Variants in SCIN observed in about 807,000 individuals in gnomAD.
The protein encoded by SCIN is adseverin.
SCIN carries 91 observed loss-of-function variants against 91.8 expected under a neutral mutation model. That is an observed-to-expected ratio of 0.99 (90% CI 0.84 to 1.18). SCIN has a LOEUF of 1.18. Ranked by LOEUF, SCIN falls within the 50% of genes most tolerant of loss-of-function variation. SCIN has a pLI of 0.00. For missense variants in SCIN, 1,087 were observed against 863.9 expected, an observed-to-expected ratio of 1.26 and a Z score of -3.24; for synonymous variants, 367 against 312.6, an observed-to-expected ratio of 1.17 and a Z score of -1.84.
chr7:12,644,259 A>T lies in SCIN; in HGVS notation c.1703A>T (p.Tyr568Phe), dbSNP rs750117695. ...ASQEEEKGAE[Y>F]VASVLKCKTL... ...CAGGAGGAGGAGAAAGGAGCAGAGTATGTAGCAAGTGTCCTAAAGTGCAAA... is the reference window on the plus strand; with the variant it reads ...CAGGAGGAGGAGAAAGGAGCAGAGTTTGTAGCAAGTGTCCTAAAGTGCAAA... Residue 568 changes from tyrosine to phenylalanine, a missense_variant, in exon 12 of 16, where the codon TAT becomes TTT. Physicochemically the swap from Tyr to Phe is conservative, Grantham distance 22. Transcript: ENST00000297029. 7.5e-6 allele frequency: 12 copies of T among 1,603,502 alleles called. No individual in the cohort carries two copies. Among genetic ancestry groups the T allele is most frequent in the Non-Finnish European group, 9.4e-6 (11 of 1,174,592 alleles).
intron 9 of SCIN, among the ~76,000 whole-genome samples, chr7:12,635,542 G>A (rs1783731439): frequency 6.9e-6 from 1 of 145,774 alleles, no homozygotes; most frequent in African/African-American, 2.5e-5. Flanking sequence ...AAGCCGGGAG[G>A]TGGAGGTTGC....
chr7:12,648,983 A>C (rs567255679), intron 13 of SCIN, among the ~76,000 whole-genome samples: 1 of 152,210 alleles, frequency 6.6e-6, no homozygotes, highest in Non-Finnish European at 1.5e-5. Context: ...AGACCAGTGT[A>C]TACTGACAGT....
At chr7:12,581,356 T>A in intron 3 of SCIN, 135 bp downstream of exon 3, 4 of 785,232 alleles carry the variant, frequency 5.1e-6, no homozygotes, top group Non-Finnish European at 7.9e-6. Context: ...AGCTGAGTAA[T>A]TGCCAAGTAT....
At chr7:12,649,328 A>G (rs1192415140) in intron 13 of SCIN, 139 bp from the exon 14 acceptor site, 15 of 494,828 alleles carry the variant, frequency 3.0e-5, no homozygotes, top group Non-Finnish European at 4.6e-5. Flanking sequence ...TTAAATTTTT[A>G]TTACGTGAAA....
At chr7:12,580,943 G>A (rs1782474714) in intron 2 of SCIN, 117 bp from the exon 3 acceptor site, 2 of 1,027,448 alleles carry the variant, frequency 1.9e-6, no homozygotes, top group Admixed American at 2.8e-5. Context: ...AACTTGGCCT[G>A]ACAGGTACAG....
chr7:12,617,902 T>A (rs886100777), intron 4 of SCIN, among the ~76,000 whole-genome samples: 1 of 152,180 alleles, frequency 6.6e-6, no homozygotes, highest in East Asian at 1.9e-4. Context: ...GTTTAATAAG[T>A]TGGCATTCTG....
At chr7:12,603,565 T>A (rs1562609132) in intron 3 of SCIN, among the ~76,000 whole-genome samples, 1 of 152,292 alleles carries the variant, frequency 6.6e-6, no homozygotes, top group East Asian at 1.9e-4. Flanking sequence ...ATTCAACTTC[T>A]CTTTCTTTCT....
At chr7:12,620,670 A>T (rs1042642565) in intron 4 of SCIN, among the ~76,000 whole-genome samples, 1 of 152,134 alleles carries the variant, frequency 6.6e-6, no homozygotes, top group African/African-American at 2.4e-5. Context: ...GGAGATCCAA[A>T]TTGGAGGAGA....
At chr7:12,628,662 T>C (rs1783579841) in intron 8 of SCIN, among the ~76,000 whole-genome samples, 1 of 152,176 alleles carries the variant, frequency 6.6e-6, no homozygotes, top group African/African-American at 2.4e-5. Flanking sequence ...GGTCACAGTC[T>C]ATCAAGTTTT....
chr7:12,646,748 A>G (rs1783973853), intron 13 of SCIN, among the ~76,000 whole-genome samples: 1 of 152,202 alleles, frequency 6.6e-6, no homozygotes, highest in South Asian at 2.1e-4. Context: ...AATAAATGCA[A>G]ACTTCATTTT....
chr7:12,599,370 A>AGTGTGTGTGTGTGTGTGT (rs10659954), intron 3 of SCIN, among the ~76,000 whole-genome samples: 2 of 149,234 alleles, frequency 1.3e-5, no homozygotes, highest in Non-Finnish European at 3.0e-5. Context: ...TTTCATGGTG[A>AGTGTGTGTGTGTGTGTGT]GTGTGTGTGT....
chr7:12,631,337 T>A (rs1783637493), intron 9 of SCIN, among the ~76,000 whole-genome samples: 1 of 152,176 alleles, frequency 6.6e-6, no homozygotes, highest in South Asian at 2.1e-4. Flanking sequence ...AACAGGTGTT[T>A]TTAGTGCAAT....
At chr7:12,605,668 C>G (rs181259402) in intron 4 of SCIN, among the ~76,000 whole-genome samples, 18 of 152,256 alleles carry the variant, frequency 1.2e-4, no homozygotes, top group African/African-American at 4.1e-4. Context: ...TGTGGCATAA[C>G]ATCAGGACTC....
chr7:12,621,903 G>A (rs972194585), intron 4 of SCIN, among the ~76,000 whole-genome samples: 9 of 151,660 alleles, frequency 5.9e-5, no homozygotes, highest in Non-Finnish European at 1.5e-5. Flanking sequence ...GTAAGGAATA[G>A]CGAATATAAA....
chr7:12,581,272 G>A (rs184720356), intron 3 of SCIN, 51 bp downstream of exon 3: 55 of 1,512,488 alleles, frequency 3.6e-5, no homozygotes, highest in African/African-American at 5.5e-5. Context: ...AATTGCTTTC[G>A]GATCAAATCA....
chr7:12,639,185 A>T (rs555554033), intron 10 of SCIN, among the ~76,000 whole-genome samples: 104 of 152,284 alleles, frequency 6.8e-4, no homozygotes, highest in Admixed American at 4.6e-4. Context: ...ACAGTAAGGG[A>T]TGGGCCTTAA....
chr7:12,644,311 G>C lies in SCIN; in HGVS notation c.1755G>C (p.Glu585Asp). Residue 585 changes from glutamate (E) to aspartate (D), a missense_variant, in exon 12 of 16, where the codon GAG (glutamate) becomes GAC (aspartate). Physicochemically the swap from Glu to Asp is conservative, Grantham distance 45. Coordinates refer to ENST00000297029, the MANE Select transcript of SCIN (RefSeq NM_001112706.3). ...CKTLRIQEGE[E>D]PEEFWNSLGG... ...CCTTAAGGATCCAAGAAGGCGAGGA[G>C]CCAGGTGTGTGCTCTGGGGCCAAGG... The C allele has an allele frequency of 6.3e-7, 1 of 1,581,156 alleles. No homozygotes were observed. Among genetic ancestry groups the C allele is most frequent in the Non-Finnish European group, 8.6e-7 (1 of 1,162,896 alleles).
At chr7:12,600,558 G>C (rs578065265) in intron 3 of SCIN, among the ~76,000 whole-genome samples, 52 of 152,150 alleles carry the variant, frequency 3.4e-4, no homozygotes, top group African/African-American at 1.1e-3. Flanking sequence ...TGATTTATAG[G>C]GTCAATGTTT....
Position 12,640,481 on chromosome 7 carries a change from C to T in SCIN, c.1545C>T (p.Val515=), listed in dbSNP as rs762911973. 2.5e-6 allele frequency: 4 copies of T among 1,612,214 alleles called. No homozygotes were observed. Among genetic ancestry groups the T allele is most frequent in the Non-Finnish European group, 3.4e-6 (4 of 1,179,142 alleles). ...CTCCCCCTACACGCCTCTTTCAAGTCCGGAGAAACCTGGCATCTATCACCA... is the reference window on the plus strand; with the variant it reads ...CTCCCCCTACACGCCTCTTTCAAGTTCGGAGAAACCTGGCATCTATCACCA... ...APAPPTRLFQ[V]RRNLASITRI... Residue 515 remains valine (V), a synonymous_variant, in exon 11 of 16, where the codon GTC becomes GTT. Coordinates refer to ENST00000297029, the MANE Select transcript of SCIN (RefSeq NM_001112706.3).
Sources: gnomAD v4.1 joint callset for allele counts (sites outside exome capture counted in the v4.1 genomes callset) on GRCh38, gnomAD v4.1.1 for gene constraint, MANE v1.5 for transcripts, NCBI Gene and HGNC (gene_info 2026-07-23, HGNC 2026-07-21) for gene names.